F13A1: variants seen among roughly 807,000 people sequenced by gnomAD.
The protein encoded by F13A1 is coagulation factor XIII A chain.
A neutral mutation model predicts 80.1 loss-of-function variants in F13A1; 47 were observed. The observed-to-expected ratio is 0.59, with a 90% CI of 0.46 to 0.75. F13A1 has a LOEUF of 0.75. F13A1 is among the 30% of genes least tolerant of loss of function. The probability of loss-of-function intolerance (pLI) is 0.00; values close to 1 mark genes in which losing one functional copy is unlikely to be tolerated. For synonymous variants in F13A1, 349 were observed against 344.9 expected, an observed-to-expected ratio of 1.01 and a Z score of -0.13; for missense variants, 817 against 930.4, an observed-to-expected ratio of 0.88 and a Z score of 1.59.
intron 2 of F13A1, among the ~76,000 whole-genome samples, chr6:6,317,100 T>C (rs1758696660): frequency 6.6e-6 from 1 of 152,172 alleles, no homozygotes; most frequent in Admixed American, 6.5e-5. Flanking sequence ...CCAGAGTCTT[T>C]TGGGCCACAG....
rs1451988768 is a variant in F13A1 at position 6,182,988 on chromosome 6, G to A, written c.1306-847C>T. ...GTGGGACTCAGAAATAGTGTCTTGG[G>A]GCCATGCTGTCTGCCCCCAAGCTCT... is the stretch of plus-strand genomic sequence containing the variant. On this transcript the variant is annotated intron_variant, in intron 10 of 14. Transcript: ENST00000264870. 9.2e-5 allele frequency among the ~76,000 whole-genome samples: 14 copies of A among 152,118 alleles called. No homozygotes were observed. In the East Asian group the frequency reaches 2.7e-3, roughly 29 times the overall value.
intron 10 of F13A1, among the ~76,000 whole-genome samples, chr6:6,194,342 T>C (rs887735061): frequency 1.3e-5 from 2 of 152,120 alleles, no homozygotes; most frequent in Non-Finnish European, 2.9e-5. Flanking sequence ...TTCTAGTGAG[T>C]CTGCACAGCT....
chr6:6,180,346 T>G (rs888630349), intron 11 of F13A1, among the ~76,000 whole-genome samples: 1 of 152,230 alleles, frequency 6.6e-6, no homozygotes, highest in African/African-American at 2.4e-5. Flanking sequence ...AGAGCAATTC[T>G]CACCCAGCAC....
chr6:6,224,555 C>T (rs1237794984), intron 7 of F13A1, 131 bp downstream of exon 7: 4 of 810,212 alleles, frequency 4.9e-6, no homozygotes, highest in Non-Finnish European at 8.1e-6. Context: ...TGACTACATC[C>T]CAGAATGGCT....
intron 1 of F13A1, among the ~76,000 whole-genome samples, chr6:6,319,403 A>G (rs370461189): frequency 2.6e-5 from 4 of 152,190 alleles, no homozygotes; most frequent in South Asian, 4.1e-4. Context: ...GCAATTTTCA[A>G]TAGGGCTATC....
In F13A1 at chr6:6,145,744, A is replaced by G. The variant is rs750112667; in HGVS notation, c.2074T>C (p.Trp692Arg). 8 of 1,614,050 alleles carry G rather than the reference A, an allele frequency of 5.0e-6. No homozygotes were observed. The Admixed American group carries it at 1.3e-4, about 27-fold the overall frequency. Residue 692 changes from tryptophan to arginine, a missense_variant, in exon 15 of 15, where the codon TGG becomes CGG. By Grantham distance (101) the Trp-to-Arg change is moderately radical (BLOSUM62 -3). Transcript: ENST00000264870. Reference sequence around the variant, plus strand: ...ACCCAGGGCCGGCACACTTCTTCCCACTGCACGGTGGAGTTGGGCCGGATT... The same window carrying G: ...ACCCAGGGCCGGCACACTTCTTCCCGCTGCACGGTGGAGTTGGGCCGGATT... ...REIRPNSTVQ[W>R]EEVCRPWVSG...
At chr6:6,246,293 G>T (rs1249510984) in intron 6 of F13A1, among the ~76,000 whole-genome samples, 1 of 152,148 alleles carries the variant, frequency 6.6e-6, no homozygotes, top group Non-Finnish European at 1.5e-5. Flanking sequence ...TGGAGGCTCA[G>T]TATTTTAGCT....
At chr6:6,155,906 A>ATTT (rs772361619) in intron 13 of F13A1, among the ~76,000 whole-genome samples, 20 of 152,064 alleles carry the variant, frequency 1.3e-4, no homozygotes, top group Non-Finnish European at 2.4e-4. Flanking sequence ...GCATAGTCAT[A>ATTT]TTTTCATTTC....
rs916002390 is a variant in F13A1 at position 6,171,542 on chromosome 6, A to C, written c.1747+3038T>G. On this transcript the variant is annotated intron_variant, in intron 12 of 14. Transcript: ENST00000264870. ...GGTTCTCGCTGCTTCCATCACTGCTATCAACCCCTTTCAGTGGAGTGATTG... is the reference window on the plus strand; with the variant it reads ...GGTTCTCGCTGCTTCCATCACTGCTCTCAACCCCTTTCAGTGGAGTGATTG... 2.6e-5 allele frequency among the ~76,000 whole-genome samples: 4 copies of C among 151,906 alleles called. No individual in the cohort carries two copies. In the South Asian group the frequency reaches 8.3e-4, roughly 31 times the overall value.
chr6:6,187,592 A>C (rs2151079081), intron 10 of F13A1, among the ~76,000 whole-genome samples: 1 of 117,434 alleles, frequency 8.5e-6, no homozygotes, highest in African/African-American at 3.4e-5. Context: ...ATGGTGAATA[A>C]GCTTTTTGAT....
At chr6:6,310,117 C>T (rs1482665611) in intron 2 of F13A1, among the ~76,000 whole-genome samples, 1 of 152,176 alleles carries the variant, frequency 6.6e-6, no homozygotes, top group Admixed American at 6.5e-5. Flanking sequence ...GTCAGTCCAT[C>T]ATGGCATAGT....
chr6:6,227,731 AC>A (rs1281726924), intron 6 of F13A1, among the ~76,000 whole-genome samples: 1 of 152,172 alleles, frequency 6.6e-6, no homozygotes, highest in African/African-American at 2.4e-5. Context: ...TGATTTTCAA[AC>A]AGATAGCCAT....
chr6:6,233,617 A>C (rs528894231), intron 6 of F13A1, among the ~76,000 whole-genome samples: 1 of 152,242 alleles, frequency 6.6e-6, no homozygotes, highest in South Asian at 2.1e-4. Context: ...CATCACCCTA[A>C]TACAAAAACC....
intron 8 of F13A1, among the ~76,000 whole-genome samples, chr6:6,211,392 C>A (rs1053158865): frequency 6.6e-6 from 1 of 152,136 alleles, no homozygotes; most frequent in Non-Finnish European, 1.5e-5. Flanking sequence ...ATATGGTTAA[C>A]AAGAAAATGT....
At chr6:6,276,073 G>A (rs1019590279) in intron 3 of F13A1, among the ~76,000 whole-genome samples, 4 of 152,156 alleles carry the variant, frequency 2.6e-5, no homozygotes, top group Admixed American at 1.3e-4. Flanking sequence ...TTGTCCATTC[G>A]GGAATAACAA....
intron 10 of F13A1, among the ~76,000 whole-genome samples, chr6:6,192,582 A>T (rs1761220160): frequency 6.6e-6 from 1 of 152,226 alleles, no homozygotes; most frequent in African/African-American, 2.4e-5. Flanking sequence ...TGCCAAAAAA[A>T]TAGGCTGCAT....
At chr6:6,230,459 C>A (rs1022955153) in intron 6 of F13A1, among the ~76,000 whole-genome samples, 1 of 152,108 alleles carries the variant, frequency 6.6e-6, no homozygotes, top group African/African-American at 2.4e-5. Flanking sequence ...GAGAGTCTGA[C>A]CTCAGACACG....
chr6:6,224,241 T>C (rs1757242945), intron 7 of F13A1, among the ~76,000 whole-genome samples: 1 of 152,142 alleles, frequency 6.6e-6, no homozygotes, highest in African/African-American at 2.4e-5. Context: ...AAAAATTAAG[T>C]GTATATATTT....
rs1454829782 is a variant in F13A1 at position 6,216,738 on chromosome 6, G to A, written c.1112+5295C>T. Among the ~76,000 whole-genome samples the A allele has an allele frequency of 2.8e-4, 39 of 141,618 alleles. 1 individual carries two copies. Among genetic ancestry groups the A allele is most frequent in the African/African-American group, 9.5e-4 (34 of 35,954 alleles). The allele number at this position is 141,618 out of a possible 152,430, so 92.9% of individuals were successfully genotyped here. A position where few individuals can be genotyped will look rare whatever the true frequency, so the allele number is the denominator to read the frequency against. ...AAGAAACTACCATCAGAGTGAACAG[G>A]CAACCTACAAAATGGGAGAAAATTT... On this transcript the variant is annotated intron_variant, in intron 8 of 14. Coordinates refer to ENST00000264870, the MANE Select transcript of F13A1 (RefSeq NM_000129.4).
Sources: gnomAD v4.1 joint callset for allele counts (sites outside exome capture counted in the v4.1 genomes callset) on GRCh38, gnomAD v4.1.1 for gene constraint, MANE v1.5 for transcripts, NCBI Gene and HGNC (gene_info 2026-07-23, HGNC 2026-07-21) for gene names.